The following PSAT1 variants were observed in gnomAD, a reference collection of about 807,000 sequenced individuals.
PSAT1 encodes the protein phosphoserine aminotransferase.
Under a neutral mutation model 40.3 loss-of-function variants are expected in PSAT1, and 41 were observed. The ratio of observed to expected loss-of-function variants is 1.02; its 90% confidence interval spans 0.79 to 1.32. The LOEUF (loss-of-function observed/expected upper bound fraction) is 1.32, where lower values mean the gene tolerates loss of function less well. Among genes scored for constraint, PSAT1 ranks in the 40% most tolerant of loss-of-function variants. The pLI, the probability that PSAT1 is intolerant of heterozygous loss-of-function variation, is 0.00. For missense variants in PSAT1, 406 were observed against 455.8 expected (o/e 0.89, Z 0.99); for synonymous variants, 147 against 170.5 (o/e 0.86, Z 1.07).
At position 78,297,217 on chromosome 9, in the gene PSAT1, G is replaced by C; in HGVS notation, c.7G>C (p.Ala3Pro). The C allele has an allele frequency of 6.2e-7, 1 of 1,601,310 alleles. No individual in the cohort carries two copies. Among genetic ancestry groups the C allele is most frequent in the Non-Finnish European group, 8.5e-7 (1 of 1,177,868 alleles). Residue 3 changes from alanine to proline, a missense_variant, in exon 1 of 9, where the codon GCC becomes CCC. Ala to Pro is a conservative substitution (Grantham distance 27, BLOSUM62 -1). Coordinates refer to ENST00000376588, the MANE Select transcript of PSAT1 (RefSeq NM_058179.4). MD[A>P]PRQVVNFGPG... ...CCGCCCTGGCCGCCGCACCATGGAC[G>C]CCCCCAGGCAGGTGGTCAACTTTGG...
chr9:78,306,912 C>T (rs1051116313), intron 5 of PSAT1, among the ~76,000 whole-genome samples: 24 of 152,176 alleles, frequency 1.6e-4, no homozygotes, highest in Non-Finnish European at 2.9e-4. Flanking sequence ...CTTGCCAAGG[C>T]AGGGCAGTGG....
At chr9:78,328,615 C>T (rs931986930) in intron 8 of PSAT1, among the ~76,000 whole-genome samples, 1 of 54,942 alleles carries the variant, frequency 1.8e-5, no homozygotes, top group Non-Finnish European at 2.8e-5. Flanking sequence ...GGAATGTCCT[C>T]ACATGAGAAT....
intron 3 of PSAT1, among the ~76,000 whole-genome samples, chr9:78,303,831 G>C (rs1308102353): frequency 6.6e-6 from 1 of 152,058 alleles, no homozygotes; most frequent in Non-Finnish European, 1.5e-5. Context: ...TGGCCATCTG[G>C]CTTCCGTACA....
At chr9:78,311,321 G>A (rs928552835) in intron 6 of PSAT1, among the ~76,000 whole-genome samples, 8 of 152,112 alleles carry the variant, frequency 5.3e-5, no homozygotes, top group South Asian at 2.1e-4. Flanking sequence ...ATGGGGCCAG[G>A]GCCTGCCTTG....
chr9:78,318,353 G>T (rs893708194), intron 7 of PSAT1, among the ~76,000 whole-genome samples: 4 of 152,168 alleles, frequency 2.6e-5, no homozygotes, highest in African/African-American at 9.7e-5. Context: ...AATGATTAAT[G>T]AGTATGTCTT....
Position 78,328,068 on chromosome 9 carries a change from A to C in PSAT1, c.887A>C (p.Gln296Pro), listed in dbSNP as rs1479206103. 1.2e-6 allele frequency: 2 copies of C among 1,611,352 alleles called. No individual in the cohort carries two copies. The highest frequency in any genetic ancestry group is 4.5e-5 in the East Asian group (2 of 44,882). ...TTTTTCAGTTGTCCAGTGGAGCCCC[A>C]AAATAGAAGCAAGATGAATATTCCA... Reference protein sequence around the residue: ...QGFYVCPVEPQNRSKMNIPFR... With the variant: ...QGFYVCPVEPPNRSKMNIPFR... Residue 296 changes from glutamine (Q) to proline (P), a missense_variant, in exon 8 of 9, where the codon CAA becomes CCA. Physicochemically the swap from Gln to Pro is moderately conservative, Grantham distance 76 (BLOSUM62 -1). Transcript: ENST00000376588.
At chr9:78,301,409 G>A (rs2118625936) in intron 2 of PSAT1, among the ~76,000 whole-genome samples, 1 of 152,218 alleles carries the variant, frequency 6.6e-6, no homozygotes, top group Non-Finnish European at 1.5e-5. Flanking sequence ...ATCTTATTAA[G>A]TTTCCCCTAT....
At chr9:78,325,865 T>C (rs1828490522) in intron 7 of PSAT1, among the ~76,000 whole-genome samples, 1 of 152,220 alleles carries the variant, frequency 6.6e-6, no homozygotes, top group Admixed American at 6.5e-5. Flanking sequence ...CATGATAGGA[T>C]GGGTAAATTG....
At chr9:78,307,551 T>G (rs1452799889) in intron 5 of PSAT1, among the ~76,000 whole-genome samples, 1 of 152,226 alleles carries the variant, frequency 6.6e-6, no homozygotes, top group Non-Finnish European at 1.5e-5. Flanking sequence ...CGCTCAATTT[T>G]CCTAAGGGTT....
At chr9:78,306,044 C>T (rs1179127747) in intron 4 of PSAT1, among the ~76,000 whole-genome samples, 1 of 152,166 alleles carries the variant, frequency 6.6e-6, no homozygotes, top group Non-Finnish European at 1.5e-5. Flanking sequence ...ACTATGGGCA[C>T]ATACCACCAT....
intron 3 of PSAT1, among the ~76,000 whole-genome samples, chr9:78,304,145 A>G (rs1828146951): frequency 6.6e-6 from 1 of 152,202 alleles, no homozygotes; most frequent in Non-Finnish European, 1.5e-5. Flanking sequence ...AGTAAAAAAG[A>G]AATGTATTAT....
chr9:78,319,885 G>A (rs549491109), intron 7 of PSAT1, among the ~76,000 whole-genome samples: 5 of 152,220 alleles, frequency 3.3e-5, no homozygotes, highest in South Asian at 2.1e-4. Flanking sequence ...AAGAAGGTCC[G>A]TGGAAGTGTG....
At position 78,297,263 on chromosome 9, in the gene PSAT1, C is replaced by A. The variant is rs760220574; in HGVS notation, c.53C>A (p.Pro18Gln). The part of the protein sequence containing the change: ...VNFGPGPAKL[P>Q]HSVLLEIQKE... ...TTTGGGCCTGGTCCCGCCAAGCTGC[C>A]GCACTCAGTAAGTCCCCGCGAGCGG... The change falls in exon 1 of 9, where the codon CCG (proline) becomes CAG (glutamine). Residue 18 changes from proline (P) to glutamine (Q), a missense_variant. Transcript: ENST00000376588. 1 of 1,601,124 alleles carries A rather than the reference C, an allele frequency of 6.2e-7. No homozygotes were observed. The highest frequency in any genetic ancestry group is 1.9e-4 in the Middle Eastern group (1 of 5,330).
chr9:78,319,132 C>T (rs1828391598), intron 7 of PSAT1, among the ~76,000 whole-genome samples: 2 of 152,052 alleles, frequency 1.3e-5, no homozygotes, highest in South Asian at 4.2e-4. Context: ...GAAATTTGCC[C>T]TCTCTCAGAT....
chr9:78,306,430 G>C lies in PSAT1; in HGVS notation c.514G>C (p.Val172Leu), dbSNP rs778210369. ...CTTTATACCCGATGTCAAGGGAGCAGTACTGGTTTGTGACATGTCCTCAAA... is the reference window on the plus strand; with the variant it reads ...CTTTATACCCGATGTCAAGGGAGCACTACTGGTTTGTGACATGTCCTCAAA... Reference protein sequence around the residue: ...FDFIPDVKGAVLVCDMSSNFL... With the variant: ...FDFIPDVKGALLVCDMSSNFL... Residue 172 changes from valine (V) to leucine (L), a missense_variant, in exon 5 of 9, where the codon GTA becomes CTA. Coordinates refer to ENST00000376588, the MANE Select transcript of PSAT1 (RefSeq NM_058179.4). 1 of 1,614,210 alleles carries C rather than the reference G, an allele frequency of 6.2e-7. No homozygotes were observed. Among genetic ancestry groups the C allele is most frequent in the Non-Finnish European group, 8.5e-7 (1 of 1,180,052 alleles).
chr9:78,310,537 G>A (rs1166530541), intron 6 of PSAT1, among the ~76,000 whole-genome samples: 1 of 152,022 alleles, frequency 6.6e-6, no homozygotes, highest in East Asian at 1.9e-4. Context: ...TCTGGGCCAG[G>A]ATTTTGTCAG....
chr9:78,322,874 A>G (rs1033071858), intron 7 of PSAT1, among the ~76,000 whole-genome samples: 4 of 152,238 alleles, frequency 2.6e-5, no homozygotes, highest in Non-Finnish European at 5.9e-5. Flanking sequence ...GATTGATAAC[A>G]TCTGGTGCCA....
chr9:78,301,659 G>C (rs1828109231), intron 2 of PSAT1, among the ~76,000 whole-genome samples: 1 of 152,202 alleles, frequency 6.6e-6, no homozygotes, highest in Non-Finnish European at 1.5e-5. Flanking sequence ...TTGTGAGAAA[G>C]AGATGGTAAG....
At chr9:78,326,845 A>T (rs10780230) in intron 7 of PSAT1, among the ~76,000 whole-genome samples, 16,714 of 150,450 alleles carry the variant, frequency 0.11, 1,099 homozygotes, top group East Asian at 0.27. Flanking sequence ...GATGGTCTAC[A>T]GTGGTTTCAC....
Sources: gnomAD v4.1 joint callset for allele counts (sites outside exome capture counted in the v4.1 genomes callset) on GRCh38, gnomAD v4.1.1 for gene constraint, MANE v1.5 for transcripts, NCBI Gene and HGNC (gene_info 2026-07-23, HGNC 2026-07-21) for gene names.